The following RASA3 variants were observed in gnomAD, a reference collection of about 807,000 sequenced individuals.
The protein encoded by RASA3 is RAS p21 protein activator 3.
Under a neutral mutation model 110.0 loss-of-function variants are expected in RASA3, and 73 were observed. That is an observed-to-expected ratio of 0.66 (90% confidence interval 0.55 to 0.81). The LOEUF is 0.81. RASA3 is among the 30% of genes least tolerant of loss of function. The pLI is 0.00. For missense variants in RASA3, 976 were observed against 1,113.2 expected, an observed-to-expected ratio of 0.88 and a Z score of 1.75; for synonymous variants, 500 against 451.4, an observed-to-expected ratio of 1.11 and a Z score of -1.37.
At chr13:114,040,142 G>A (rs576181739) in intron 4 of RASA3, among the ~76,000 whole-genome samples, 16 of 152,262 alleles carry the variant, frequency 1.1e-4, no homozygotes, top group Non-Finnish European at 2.1e-4. Context: ...ACAAAGGGCG[G>A]CAGTAGGCAA....
intron 2 of RASA3, among the ~76,000 whole-genome samples, chr13:114,061,917 G>A (rs2079359162): frequency 1.3e-5 from 2 of 152,102 alleles, no homozygotes; most frequent in African/African-American, 4.8e-5. Flanking sequence ...CAGAGCACAC[G>A]GCGCAGGGGT....
chr13:114,054,538 A>G (rs2079205266), intron 2 of RASA3, among the ~76,000 whole-genome samples: 1 of 152,120 alleles, frequency 6.6e-6, no homozygotes, highest in Non-Finnish European at 1.5e-5. Flanking sequence ...CAGCGGCCTT[A>G]ATGACAGGCA....
chr13:114,098,517 G>C (rs771061258), intron 1 of RASA3, among the ~76,000 whole-genome samples: 10 of 152,194 alleles, frequency 6.6e-5, no homozygotes, highest in Non-Finnish European at 1.0e-4. Context: ...AAGTGCAGCA[G>C]GGCTGCAGCC....
At chr13:114,089,075 C>T (rs1033996931) in intron 1 of RASA3, among the ~76,000 whole-genome samples, 26 of 152,100 alleles carry the variant, frequency 1.7e-4, no homozygotes, top group Non-Finnish European at 2.5e-4. Context: ...CCTGGTGGAG[C>T]TCCCCTCAAG....
intron 1 of RASA3, among the ~76,000 whole-genome samples, chr13:114,101,570 C>T (rs527674728): frequency 2.4e-4 from 36 of 152,380 alleles, no homozygotes; most frequent in African/African-American, 4.6e-4. Context: ...CACTGCACGC[C>T]GGAGATCCGG....
chr13:114,016,006 C>G (rs903954405), intron 13 of RASA3, among the ~76,000 whole-genome samples, 191 bp downstream of exon 13: 1 of 152,058 alleles, frequency 6.6e-6, no homozygotes, highest in African/African-American at 2.4e-5. Flanking sequence ...ACAGGCCAGG[C>G]CAAAGGTGGT....
rs562243432 is a variant in RASA3 at position 114,096,197 on chromosome 13, G to A, written c.56-22360C>T. 1.6e-4 allele frequency among the ~76,000 whole-genome samples: 25 copies of A among 152,324 alleles called. No individual in the cohort carries two copies. The highest frequency in any genetic ancestry group is 3.4e-3 in the Middle Eastern group (1 of 294). ...TCCAGGTGGCCCTGGCGGCATCGGT[G>A]TGCTGGGAAGGGAGTGCGCAGGCCC... On this transcript the variant is annotated intron_variant, in intron 1 of 23. Transcript: ENST00000334062. The surrounding 1 kb of genome is among the most constrained non-coding windows in gnomAD (Gnocchi z 5.1).
intron 1 of RASA3, among the ~76,000 whole-genome samples, chr13:114,116,765 GGGGTGCACGTGTGTGAA>G (rs762071345): frequency 0.025 from 3,725 of 146,500 alleles, 221 homozygotes; most frequent in Admixed American, 0.095. Flanking sequence ...ACGTGTGTGA[GGGGTGCACGTGTGTGAA>G]GGGTGCACGT....
chr13:114,007,658 C>T, intron 17 of RASA3, 52 bp from the exon 18 acceptor site: 1 of 1,422,926 alleles, frequency 7.0e-7, no homozygotes, highest in South Asian at 1.1e-5. Flanking sequence ...ATCTGACGTG[C>T]ACGGCTCTCT....
Position 114,114,439 on chromosome 13 carries a change from G to A in RASA3, c.55+17996C>T, listed in dbSNP as rs775476106. 6.6e-6 allele frequency among the ~76,000 whole-genome samples: 1 copy of A among 152,196 alleles called. No homozygotes were observed. The highest frequency in any genetic ancestry group is 1.5e-5 in the Non-Finnish European group (1 of 68,046). ...GGGACACGGATGGATGGAGGGAGAT[G>A]AACTAATCAGCAAATGCTCCTTGCA... On this transcript the variant is annotated intron_variant, in intron 1 of 23. Coordinates refer to ENST00000334062, the MANE Select transcript of RASA3 (RefSeq NM_007368.4). This position sits in a 1 kb window ranked among gnomAD's most constrained non-coding sequence, Gnocchi z 4.8.
rs567995154 is a variant in RASA3, at chr13:114,010,905, T to TGACAGGTCAGATGCTGCTCCTGC, written c.1590+243_1590+265dup. On this transcript the variant is annotated intron_variant, in intron 16 of 23. Coordinates refer to ENST00000334062, the MANE Select transcript of RASA3 (RefSeq NM_007368.4). ...GGCCTGTTCAGCCGCTTCCCACACC[T>TGACAGGTCAGATGCTGCTCCTGC]GACAGGTCAGATGCTGCTCCTGCCA... 7.7e-3 allele frequency among the ~76,000 whole-genome samples: 1,067 copies of TGACAGGTCAGATGCTGCTCCTGC among 139,440 alleles called. 7 individuals are homozygous for TGACAGGTCAGATGCTGCTCCTGC. The highest frequency in any genetic ancestry group is 0.012 in the Non-Finnish European group (755 of 64,736). The allele number at this position is 139,440 out of a possible 152,430, so 91.5% of individuals were successfully genotyped here.
chr13:114,097,785 G>A (rs1057292219), intron 1 of RASA3, among the ~76,000 whole-genome samples: 6 of 152,222 alleles, frequency 3.9e-5, no homozygotes, highest in Admixed American at 3.9e-4. Flanking sequence ...GGGAGAGAGT[G>A]GGCAGCCGAC....
chr13:114,000,082 G>C (rs1309695828), intron 19 of RASA3, among the ~76,000 whole-genome samples: 1 of 120,468 alleles, frequency 8.3e-6, no homozygotes, highest in East Asian at 2.7e-4. Flanking sequence ...TGCCAGGAGG[G>C]TCTCTGCTGG....
At chr13:114,075,043 G>C (rs1190937054) in intron 1 of RASA3, among the ~76,000 whole-genome samples, 1 of 152,220 alleles carries the variant, frequency 6.6e-6, no homozygotes, top group Non-Finnish European at 1.5e-5. Flanking sequence ...TGGCTCTAAA[G>C]ACGCCTGGCA....
rs114713119 is a variant in RASA3, at chr13:113,980,524, G to C, written c.2430-1102C>G. On this transcript the variant is annotated intron_variant, in intron 23 of 23. Coordinates refer to ENST00000334062, the MANE Select transcript of RASA3 (RefSeq NM_007368.4). ...CTTGTACCATGTGTGCCTCGTGTGC[G>C]CCTTCTACTACAACAAACAGCATCA... Among the ~76,000 whole-genome samples, 686 of 151,502 alleles carry C rather than the reference G, an allele frequency of 4.5e-3. 5 individuals carry two copies. The highest frequency in any genetic ancestry group is 0.015 in the African/African-American group (642 of 41,424).
intron 22 of RASA3, among the ~76,000 whole-genome samples, chr13:113,992,055 T>G (rs1292622931): frequency 6.6e-6 from 1 of 151,266 alleles, no homozygotes; most frequent in Non-Finnish European, 1.5e-5. Context: ...TGTCCACACA[T>G]TCACACACGC....
chr13:114,075,451 C>T (rs867045957), intron 1 of RASA3, among the ~76,000 whole-genome samples: 5 of 103,182 alleles, frequency 4.8e-5, no homozygotes, highest in Middle Eastern at 4.9e-3. Context: ...CAACGCCTCC[C>T]GTGTCCGCGC....
At chr13:114,087,903 A>T (rs558477653) in intron 1 of RASA3, among the ~76,000 whole-genome samples, 2 of 152,328 alleles carry the variant, frequency 1.3e-5, no homozygotes, top group South Asian at 4.1e-4. Context: ...GCTGAGGCTG[A>T]CGGATGGCTC....
intron 1 of RASA3, among the ~76,000 whole-genome samples, chr13:114,079,321 C>T (rs577845561): frequency 6.6e-6 from 1 of 152,326 alleles, no homozygotes; most frequent in Admixed American, 6.5e-5. Context: ...AGCCCCGGTG[C>T]ATGGTCCAGC....
Sources: gnomAD v4.1 joint callset for allele counts (sites outside exome capture counted in the v4.1 genomes callset) on GRCh38, gnomAD v4.1.1 for gene constraint, Gnocchi (gnomAD v3.1) non-coding constraint, MANE v1.5 for transcripts, NCBI Gene and HGNC (gene_info 2026-07-23, HGNC 2026-07-21) for gene names.